TLN2: variants seen among roughly 807,000 people sequenced by gnomAD.
TLN2 encodes talin 2.
A neutral mutation model predicts 294.7 loss-of-function variants in TLN2; 118 were observed. The observed-to-expected ratio is 0.40, with a 90% CI of 0.34 to 0.47. The LOEUF is 0.47. Among genes scored for constraint, TLN2 ranks in the 20% least tolerant of loss-of-function variants. TLN2 has a pLI of 0.84. For missense variants in TLN2, 3,083 were observed against 3,282.2 expected (o/e 0.94, Z 1.48); for synonymous variants, 1,431 against 1,304.5 (o/e 1.10, Z -2.09).
At chr15:62,698,005 AT>A in intron 15 of TLN2, 137 bp downstream of exon 15, 4 of 1,137,676 alleles carry the variant, frequency 3.5e-6, no homozygotes, top group Non-Finnish European at 4.9e-6. Flanking sequence ...TCAGCTGTGC[AT>A]TTTTTAAATT....
chr15:62,755,229 GGACCTC>G, intron 36 of TLN2: 1 of 271,056 alleles, frequency 3.7e-6, no homozygotes. Flanking sequence ...GCTATACCCT[GGACCTC>G]CTATCTGGGG....
intron 55 of TLN2, 100 bp from the exon 56 acceptor site, chr15:62,835,637 C>G: frequency 7.6e-7 from 1 of 1,319,366 alleles, no homozygotes; most frequent in South Asian, 1.2e-5. Flanking sequence ...AGGCACCAAG[C>G]GGGGTACAAG....
intron 41 of TLN2, among the ~76,000 whole-genome samples, chr15:62,769,401 C>G (rs556348678): frequency 6.6e-6 from 1 of 152,236 alleles, no homozygotes; most frequent in South Asian, 2.1e-4. Context: ...GAAGTAGGGA[C>G]GAAAATTCAG....
chr15:62,582,002 C>T (rs2045086523), intron 1 of TLN2, among the ~76,000 whole-genome samples: 1 of 151,378 alleles, frequency 6.6e-6, no homozygotes, highest in African/African-American at 2.4e-5. Context: ...CAAGATTGTG[C>T]CGCTGCACTC....
chr15:62,484,102 G>A (rs1025023214), intron 1 of TLN2, among the ~76,000 whole-genome samples: 20 of 152,176 alleles, frequency 1.3e-4, no homozygotes, highest in African/African-American at 4.8e-4. Context: ...CGGGATGACT[G>A]GGATCTGGAA....
intron 1 of TLN2, among the ~76,000 whole-genome samples, chr15:62,558,769 C>T (rs1188433682): frequency 6.6e-6 from 1 of 152,000 alleles, no homozygotes; most frequent in African/African-American, 2.4e-5. Context: ...TAAGTAACTG[C>T]AGATAACGGC....
chr15:62,558,584 AT>A (rs2042736826), intron 1 of TLN2, among the ~76,000 whole-genome samples: 1 of 152,232 alleles, frequency 6.6e-6, no homozygotes, highest in Non-Finnish European at 1.5e-5. Context: ...AATTATTGAC[AT>A]GTATATTTTA....
At chr15:62,601,199 G>A (rs185598220) in intron 2 of TLN2, among the ~76,000 whole-genome samples, 1 of 152,138 alleles carries the variant, frequency 6.6e-6, no homozygotes, top group Non-Finnish European at 1.5e-5. Flanking sequence ...ATTTTTGGTT[G>A]TCACAACTGG....
intron 19 of TLN2, among the ~76,000 whole-genome samples, chr15:62,705,031 A>G (rs1179112942): frequency 6.6e-6 from 1 of 152,246 alleles, no homozygotes; most frequent in East Asian, 1.9e-4. Context: ...TAAACATCCC[A>G]TGCAACCTTG....
chr15:62,745,970 C>G (rs899548103), intron 32 of TLN2, among the ~76,000 whole-genome samples: 3 of 152,170 alleles, frequency 2.0e-5, no homozygotes, highest in African/African-American at 4.8e-5. Flanking sequence ...TTGTGGATTA[C>G]CCAACCACAA....
chr15:62,440,799 G>A (rs779320086), intron 1 of TLN2, among the ~76,000 whole-genome samples: 1 of 152,176 alleles, frequency 6.6e-6, no homozygotes, highest in Non-Finnish European at 1.5e-5. Context: ...CAAAAGTTTA[G>A]CTCCTTGAGG....
chr15:62,697,775 C>T lies in TLN2; in HGVS notation c.1380C>T (p.Ser460=), dbSNP rs576870593. 6.2e-7 allele frequency: 1 copy of T among 1,613,100 alleles called. No individual in the cohort carries two copies. The highest frequency in any genetic ancestry group is 1.1e-5 in the South Asian group (1 of 91,060). ...VALPAVMRSG[S]SGPETFNVGS... ...TGCCGGCCGTGATGCGCTCGGGCTCCAGCGGGCCTGAGACCTTCAACGTTG... is the reference window on the plus strand; with the variant it reads ...TGCCGGCCGTGATGCGCTCGGGCTCTAGCGGGCCTGAGACCTTCAACGTTG... Residue 460 remains serine, a synonymous_variant, in exon 15 of 59, where the codon TCC becomes TCT. Coordinates refer to ENST00000636159, the MANE Select transcript of TLN2 (RefSeq NM_015059.3).
intron 24 of TLN2, among the ~76,000 whole-genome samples, chr15:62,718,817 C>T (rs1567446403): frequency 1.3e-5 from 2 of 152,186 alleles, no homozygotes; most frequent in Admixed American, 6.5e-5. Flanking sequence ...TGAGACCTCT[C>T]GCCCCTCTTC....
intron 20 of TLN2, 133 bp downstream of exon 20, chr15:62,707,386 A>G: frequency 9.1e-7 from 1 of 1,093,616 alleles, no homozygotes; most frequent in South Asian, 2.5e-5. Context: ...AAGTGTCTTA[A>G]GTGATGATAG....
At position 62,841,131 on chromosome 15, in the gene TLN2, G is replaced by C. The variant is rs952720488; in HGVS notation, c.*521G>C. 2.0e-5 allele frequency: 3 copies of C among 152,884 alleles called. No individual in the cohort carries two copies. Among genetic ancestry groups the C allele is most frequent in the African/African-American group, 7.2e-5 (3 of 41,446 alleles). 9.5% of individuals were successfully genotyped at this position (152,884 alleles called of 1,614,324 possible). ...GACTCAGGTCCTCCTTCCATGTCTT[G>C]AGCACTGGCTCACCCAGGGGGTGAA... On this transcript the variant is annotated 3_prime_UTR_variant, in exon 59 of 59. Transcript: ENST00000636159.
intron 1 of TLN2, among the ~76,000 whole-genome samples, chr15:62,457,248 C>CAGAGCGAG (rs1375989241): frequency 6.6e-6 from 1 of 152,198 alleles, no homozygotes; most frequent in Non-Finnish European, 1.5e-5. Flanking sequence ...CTTCACATGA[C>CAGAGCGAG]AGAGCGAGAG....
At chr15:62,510,984 G>GTAC (rs1343978451) in intron 1 of TLN2, among the ~76,000 whole-genome samples, 6 of 152,324 alleles carry the variant, frequency 3.9e-5, no homozygotes, top group African/African-American at 1.4e-4. Context: ...ATTTTGACAA[G>GTAC]AACGTCTTAC....
At chr15:62,655,577 T>A (rs2053113690) in intron 7 of TLN2, among the ~76,000 whole-genome samples, 3 of 11,772 alleles carry the variant, frequency 2.5e-4, no homozygotes, top group Non-Finnish European at 8.4e-3. Context: ...TATTATACAT[T>A]CATTGTAGCA....
At position 62,792,624 on chromosome 15, in the gene TLN2, T is replaced by C. The variant is rs1323235845; in HGVS notation, c.5737-17T>C. 6.2e-7 allele frequency: 1 copy of C among 1,610,416 alleles called. No individual in the cohort carries two copies. Among genetic ancestry groups the C allele is most frequent in the African/African-American group, 1.3e-5 (1 of 74,964 alleles). On this transcript the variant is annotated splice_polypyrimidine_tract_variant and intron_variant, in intron 45 of 58. Coordinates refer to ENST00000636159, the MANE Select transcript of TLN2 (RefSeq NM_015059.3). ...CCATCACGCTTCTCCTTCCCCATCC[T>C]GGGCTTGCCTCTGCAGATCGGATTC...
Sources: gnomAD v4.1 joint callset for allele counts (sites outside exome capture counted in the v4.1 genomes callset) on GRCh38, gnomAD v4.1.1 for gene constraint, MANE v1.5 for transcripts, NCBI Gene and HGNC (gene_info 2026-07-23, HGNC 2026-07-21) for gene names.